PCDHA7: variants seen among roughly 807,000 people sequenced by gnomAD.
PCDHA7 encodes the protein protocadherin alpha 7, also known as protocadherin alpha-7.
PCDHA7 carries 37 observed loss-of-function variants against 57.2 expected under a neutral mutation model. The observed-to-expected ratio is 0.65, with a 90% CI of 0.50 to 0.85. The LOEUF is 0.85. Among genes scored for constraint, PCDHA7 ranks in the 40% least tolerant of loss-of-function variants. The probability of loss-of-function intolerance (pLI) is 0.00; values close to 1 mark genes in which losing one functional copy is unlikely to be tolerated. For synonymous variants in PCDHA7, 553 were observed against 558.8 expected, an observed-to-expected ratio of 0.99 and a Z score of 0.15; for missense variants, 1,188 against 1,241.8, an observed-to-expected ratio of 0.96 and a Z score of 0.65.
chr5:140,905,231 A>G (rs2071692761), intron 1 of PCDHA7, among the ~76,000 whole-genome samples: 1 of 152,180 alleles, frequency 6.6e-6, no homozygotes, highest in African/African-American at 2.4e-5. Flanking sequence ...AGAGATGAGG[A>G]TCCAGTTTCA....
In PCDHA7 at chr5:140,868,769, A is replaced by G. The variant is rs144958028; in HGVS notation, c.2355+32031A>G. 95 of 255,700 alleles carry G rather than the reference A, an allele frequency of 3.7e-4. No individual in the cohort carries two copies. In the Middle Eastern group the frequency reaches 9.0e-3, roughly 24 times the overall value. 15.8% of individuals were successfully genotyped at this position (255,700 alleles called of 1,614,324 possible). On this transcript the variant is annotated intron_variant, in intron 1 of 3. Coordinates refer to ENST00000525929, the MANE Select transcript of PCDHA7 (RefSeq NM_018910.3). ...CCATTTCCATATATATTTAGTTTCA[A>G]TATGACTTATAATCTGAATATTCCA... is the stretch of plus-strand genomic sequence containing the variant.
At chr5:140,921,071 T>C (rs2080004942) in intron 1 of PCDHA7, among the ~76,000 whole-genome samples, 1 of 152,054 alleles carries the variant, frequency 6.6e-6, no homozygotes, top group Admixed American at 6.6e-5. Flanking sequence ...CCTTGAACTC[T>C]TGGGCTCAAG....
At chr5:140,958,295 C>T (rs1405336220) in intron 1 of PCDHA7, among the ~76,000 whole-genome samples, 1 of 151,884 alleles carries the variant, frequency 6.6e-6, no homozygotes, top group Admixed American at 6.6e-5. Context: ...TATTATTGAA[C>T]TTAATTAAAA....
intron 1 of PCDHA7, chr5:140,870,538 C>T (rs539269989): frequency 6.2e-7 from 1 of 1,614,154 alleles, no homozygotes; most frequent in African/African-American, 1.3e-5. Flanking sequence ...AGTGTCGGCG[C>T]GGGACGCGGA....
chr5:140,944,273 G>A (rs1208171689), intron 1 of PCDHA7, among the ~76,000 whole-genome samples: 2 of 152,098 alleles, frequency 1.3e-5, no homozygotes, highest in African/African-American at 4.8e-5. Flanking sequence ...CTGCAGCCTT[G>A]ACACCCCGGG....
chr5:140,965,924 C>A (rs548082207), intron 1 of PCDHA7, among the ~76,000 whole-genome samples: 1 of 152,212 alleles, frequency 6.6e-6, no homozygotes, highest in Non-Finnish European at 1.5e-5. Context: ...TTTAGGCTTG[C>A]TCCCGGAAAG....
At chr5:140,849,658 C>T in intron 1 of PCDHA7, 1 of 1,598,720 alleles carries the variant, frequency 6.3e-7, no homozygotes, top group African/African-American at 1.3e-5. Flanking sequence ...GTTACCTGCT[C>T]CCTGACGCCC....
intron 1 of PCDHA7, among the ~76,000 whole-genome samples, chr5:140,922,582 G>T (rs548638056): frequency 6.6e-5 from 10 of 152,160 alleles, no homozygotes; most frequent in Non-Finnish European, 1.5e-4. Flanking sequence ...CCCTGTAGCC[G>T]CCAGTTCTCA....
chr5:140,890,505 C>T (rs968263026), intron 1 of PCDHA7, among the ~76,000 whole-genome samples: 4 of 151,914 alleles, frequency 2.6e-5, no homozygotes, highest in Admixed American at 2.6e-4. Flanking sequence ...ATTTTTATGT[C>T]TCTATTTCCT....
intron 3 of PCDHA7, among the ~76,000 whole-genome samples, chr5:141,003,132 C>G (rs1391034413): frequency 6.6e-6 from 1 of 152,208 alleles, no homozygotes; most frequent in African/African-American, 2.4e-5. Flanking sequence ...CTGGCATTTG[C>G]CTTGGCAAAG....
In PCDHA7 at chr5:140,882,301, G is replaced by A. The variant is rs145574763; in HGVS notation, c.2355+45563G>A. 188 of 1,613,800 alleles carry A rather than the reference G, an allele frequency of 1.2e-4. No homozygotes were observed. In the African/African-American group the frequency reaches 2.1e-3, roughly 18 times the overall value. Reference sequence around the variant, plus strand: ...CTTCCTGGCAAGGAGGCCCAAGACCGCGGCAACTACTGCTCTGGCTTCTGA... The same window carrying A: ...CTTCCTGGCAAGGAGGCCCAAGACCACGGCAACTACTGCTCTGGCTTCTGA... On this transcript the variant is annotated intron_variant, in intron 1 of 3. Coordinates refer to ENST00000525929, the MANE Select transcript of PCDHA7 (RefSeq NM_018910.3).
At chr5:140,871,679 A>G (rs2053261430) in intron 1 of PCDHA7, 2 of 1,116,800 alleles carry the variant, frequency 1.8e-6, no homozygotes, top group Admixed American at 3.1e-5. Flanking sequence ...TAATCATATG[A>G]ATAATCTGGC....
chr5:140,857,442 A>G (rs1554150038), intron 1 of PCDHA7: 1 of 1,598,266 alleles, frequency 6.3e-7, no homozygotes, highest in African/African-American at 1.3e-5. Flanking sequence ...TTCGTGAAGG[A>G]GAACAACCCG....
chr5:140,968,022 A>G (rs782399233), intron 1 of PCDHA7: 3 of 1,614,142 alleles, frequency 1.9e-6, no homozygotes, highest in South Asian at 2.2e-5. Flanking sequence ...GGAAACTCCT[A>G]TACACTGGTG....
chr5:140,927,401 G>A lies in PCDHA7; in HGVS notation c.2356-51548G>A, dbSNP rs782140870. On this transcript the variant is annotated intron_variant, in intron 1 of 3. Transcript: ENST00000525929. ...AGCCTAAGCCCCAGTCAGCACTTTCGCCTGGACATGGGATCGCGGGTTGAC... is the reference window on the plus strand; with the variant it reads ...AGCCTAAGCCCCAGTCAGCACTTTCACCTGGACATGGGATCGCGGGTTGAC... The A allele has an allele frequency of 1.9e-6, 3 of 1,614,192 alleles. No homozygotes were observed. Among genetic ancestry groups the A allele is most frequent in the Non-Finnish European group, 2.5e-6 (3 of 1,180,036 alleles).
chr5:140,875,411 T>C, intron 1 of PCDHA7: 1 of 1,503,674 alleles, frequency 6.7e-7, no homozygotes, highest in Non-Finnish European at 8.9e-7. Context: ...GCTCATAAAA[T>C]ACCTCAGGCA....
chr5:140,912,222 C>G (rs782160814), intron 1 of PCDHA7, among the ~76,000 whole-genome samples: 2 of 151,926 alleles, frequency 1.3e-5, no homozygotes, highest in Non-Finnish European at 2.9e-5. Flanking sequence ...CTGCCTTTCC[C>G]AGTCCACTGA....
chr5:140,981,670 C>T (rs1389601276), intron 2 of PCDHA7, among the ~76,000 whole-genome samples: 8 of 152,070 alleles, frequency 5.3e-5, no homozygotes, highest in Non-Finnish European at 1.0e-4. Context: ...TCCTTCCTTT[C>T]TTCCTTCCTC....
intron 1 of PCDHA7, among the ~76,000 whole-genome samples, chr5:140,906,181 T>C (rs944915696): frequency 6.6e-6 from 1 of 152,170 alleles, no homozygotes. Flanking sequence ...CTTTGCATCC[T>C]TCAATCCAAT....
Sources: gnomAD v4.1 joint callset for allele counts (sites outside exome capture counted in the v4.1 genomes callset) on GRCh38, gnomAD v4.1.1 for gene constraint, MANE v1.5 for transcripts, NCBI Gene and HGNC (gene_info 2026-07-23, HGNC 2026-07-21) for gene names.